DCLK2: variants seen among roughly 807,000 people sequenced by gnomAD.
DCLK2 encodes doublecortin like kinase 2, also known as serine/threonine-protein kinase DCLK2.
A neutral mutation model predicts 78.4 loss-of-function variants in DCLK2; 31 were observed. That is an observed-to-expected ratio of 0.40 (90% CI 0.30 to 0.53). DCLK2 has a LOEUF of 0.53. Among genes scored for constraint, DCLK2 ranks in the 20% least tolerant of loss-of-function variants. The probability of loss-of-function intolerance (pLI) is 0.61; values close to 1 mark genes in which losing one functional copy is unlikely to be tolerated. For missense variants in DCLK2, 872 were observed against 973.7 expected (o/e 0.90, Z 1.39); for synonymous variants, 407 against 374.9 (o/e 1.09, Z -0.99).
chr4:150,163,312 C>T (rs1343401864), intron 2 of DCLK2, among the ~76,000 whole-genome samples: 3 of 152,058 alleles, frequency 2.0e-5, no homozygotes, highest in Non-Finnish European at 2.9e-5. Context: ...GCAGGAGAAT[C>T]GCTTGGACCT....
At chr4:150,175,024 A>ATATATATT (rs1736875065) in intron 2 of DCLK2, among the ~76,000 whole-genome samples, 1 of 63,940 alleles carries the variant, frequency 1.6e-5, no homozygotes, top group Non-Finnish European at 3.1e-5. Flanking sequence ...ATATATATAT[A>ATATATATT]TATATATATT....
chr4:150,174,113 C>G lies in DCLK2; in HGVS notation c.757-19025C>G, dbSNP rs1470228165. ...TCCGGGAATGGCAGTCACCACTACT[C>G]AGATAAAACTGCTTCCCTCATGGAC... On this transcript the variant is annotated intron_variant, in intron 2 of 15. Coordinates refer to ENST00000296550, the MANE Select transcript of DCLK2 (RefSeq NM_001040260.4). 2.0e-5 allele frequency among the ~76,000 whole-genome samples: 3 copies of G among 152,172 alleles called. No homozygotes were observed. In the East Asian group the frequency reaches 5.8e-4, roughly 29 times the overall value.
intron 2 of DCLK2, among the ~76,000 whole-genome samples, chr4:150,189,997 A>G (rs191231737): frequency 3.4e-4 from 49 of 143,272 alleles, no homozygotes; most frequent in Non-Finnish European, 6.2e-4. Flanking sequence ...AACTCCTGGC[A>G]ACTCAAACTT....
At chr4:150,215,663 C>T (rs182925094) in intron 5 of DCLK2, among the ~76,000 whole-genome samples, 76 of 152,304 alleles carry the variant, frequency 5.0e-4, no homozygotes, top group Middle Eastern at 3.4e-3. Context: ...CGTTCCTAAC[C>T]CTGTCTTTTT....
At position 150,170,791 on chromosome 4, in the gene DCLK2, G is replaced by GA. The variant is rs34635776; in HGVS notation, c.757-22340dup. ...GTATTTATTTGATCCTTCATTCTTG[G>GA]AAAAAAACCTGTACAACATGACTCT... On this transcript the variant is annotated intron_variant, in intron 2 of 15. Coordinates refer to ENST00000296550, the MANE Select transcript of DCLK2 (RefSeq NM_001040260.4). 4.0e-4 allele frequency among the ~76,000 whole-genome samples: 61 copies of GA among 152,074 alleles called. No individual in the cohort carries two copies. The East Asian group carries it at 8.9e-3, about 22-fold the overall frequency.
intron 2 of DCLK2, among the ~76,000 whole-genome samples, chr4:150,119,450 T>C (rs1732359289): frequency 6.6e-6 from 1 of 152,220 alleles, no homozygotes; most frequent in African/African-American, 2.4e-5. Context: ...AAAGTTGTTC[T>C]AGTTGGTAAA....
intron 2 of DCLK2, among the ~76,000 whole-genome samples, chr4:150,121,433 CCTATT>C (rs1732532827): frequency 6.6e-6 from 1 of 152,220 alleles, no homozygotes; most frequent in African/African-American, 2.4e-5. Context: ...AGAAGCAACT[CCTATT>C]CTATTGAAGT....
intron 15 of DCLK2, among the ~76,000 whole-genome samples, chr4:150,254,735 C>T (rs1312705538): frequency 2.6e-5 from 4 of 152,222 alleles, no homozygotes; most frequent in East Asian, 3.9e-4. Context: ...GACTGGAGTG[C>T]GGTGGTGTGA....
chr4:150,235,498 C>T (rs1742426883), intron 10 of DCLK2, among the ~76,000 whole-genome samples: 1 of 152,120 alleles, frequency 6.6e-6, no homozygotes, highest in Non-Finnish European at 1.5e-5. Context: ...CACCCCTTCC[C>T]AAACCTACGG....
chr4:150,111,785 T>C (rs1290854100), intron 2 of DCLK2, among the ~76,000 whole-genome samples: 2 of 152,176 alleles, frequency 1.3e-5, no homozygotes, highest in African/African-American at 4.8e-5. Flanking sequence ...GTTCTAAGTA[T>C]TTTAATTTAT....
chr4:150,249,095 C>G (rs1474820866), intron 14 of DCLK2, among the ~76,000 whole-genome samples: 1 of 152,158 alleles, frequency 6.6e-6, no homozygotes, highest in African/African-American at 2.4e-5. Context: ...CTGCTTGCTG[C>G]TCTCTTGGGC....
intron 8 of DCLK2, among the ~76,000 whole-genome samples, chr4:150,230,651 G>A (rs1741973177): frequency 6.6e-6 from 1 of 152,218 alleles, no homozygotes; most frequent in Non-Finnish European, 1.5e-5. Context: ...GCTTGGTGCA[G>A]ATGATCCAAA....
chr4:150,189,999 C>T (rs1294084070), intron 2 of DCLK2, among the ~76,000 whole-genome samples: 1 of 125,878 alleles, frequency 7.9e-6, no homozygotes, highest in Non-Finnish European at 1.6e-5. Flanking sequence ...CTCCTGGCAA[C>T]TCAAACTTAT....
chr4:150,079,598 T>G (rs1580457551), intron 1 of DCLK2, 150 bp downstream of exon 1: 1 of 771,200 alleles, frequency 1.3e-6, no homozygotes, highest in Non-Finnish European at 2.0e-6. Context: ...TGGCTGGGGG[T>G]GGGGGCCGGT....
At chr4:150,086,517 T>A (rs1196801503) in intron 1 of DCLK2, among the ~76,000 whole-genome samples, 1 of 121,928 alleles carries the variant, frequency 8.2e-6, no homozygotes, top group Non-Finnish European at 1.8e-5. Flanking sequence ...TTTTTTTTTT[T>A]TTTTTTTGAG....
intron 1 of DCLK2, among the ~76,000 whole-genome samples, chr4:150,088,712 C>G (rs1169145551): frequency 6.6e-6 from 1 of 152,078 alleles, no homozygotes; most frequent in African/African-American, 2.4e-5. Flanking sequence ...AATGTGATAC[C>G]ACAAATGGAA....
intron 7 of DCLK2, among the ~76,000 whole-genome samples, chr4:150,223,560 A>G (rs1340356453): frequency 2.0e-5 from 3 of 152,188 alleles, no homozygotes; most frequent in Admixed American, 6.5e-5. Flanking sequence ...CCTGGCCAAC[A>G]TGGTGAAACC....
chr4:150,253,982 T>C, intron 15 of DCLK2: 1 of 873,144 alleles, frequency 1.1e-6, no homozygotes, highest in Non-Finnish European at 1.4e-6. Context: ...GATAATTTAA[T>C]GGGTGAGGCC....
chr4:150,233,695 C>T (rs1358617065), intron 10 of DCLK2, among the ~76,000 whole-genome samples: 1 of 152,082 alleles, frequency 6.6e-6, no homozygotes, highest in Admixed American at 6.5e-5. Context: ...AAGTCTTATT[C>T]CACTATGGTA....
Sources: gnomAD v4.1 joint callset for allele counts (sites outside exome capture counted in the v4.1 genomes callset) on GRCh38, gnomAD v4.1.1 for gene constraint, MANE v1.5 for transcripts, NCBI Gene and HGNC (gene_info 2026-07-23, HGNC 2026-07-21) for gene names.